DPYS: variants seen among roughly 807,000 people sequenced by gnomAD.
DPYS encodes dihydropyrimidine amidohydrolase.
DPYS carries 39 observed loss-of-function variants against 50.3 expected under a neutral mutation model. The ratio of observed to expected loss-of-function variants is 0.78; its 90% CI spans 0.60 to 1.01. The LOEUF (loss-of-function observed/expected upper bound fraction) is 1.01, where lower values mean the gene tolerates loss of function less well. Ranked by LOEUF, DPYS falls within the 50% of genes least tolerant of loss-of-function variation. The pLI, the probability that DPYS is intolerant of heterozygous loss-of-function variation, is 0.00. For synonymous variants in DPYS, 245 were observed against 250.7 expected (o/e 0.98, Z 0.22); for missense variants, 659 against 680.9 (o/e 0.97, Z 0.36).
At chr8:104,414,251 G>A (rs1812291907) in intron 7 of DPYS, among the ~76,000 whole-genome samples, 1 of 152,120 alleles carries the variant, frequency 6.6e-6, no homozygotes, top group Non-Finnish European at 1.5e-5. Context: ...TCCATTTGGG[G>A]GCGCTAATTG....
intron 4 of DPYS, among the ~76,000 whole-genome samples, chr8:104,432,457 G>A (rs1447214353): frequency 6.6e-6 from 1 of 152,164 alleles, no homozygotes; most frequent in Non-Finnish European, 1.5e-5. Context: ...GTTGAAAGAT[G>A]CACAGAAAAA....
chr8:104,381,130 G>A lies in DPYS; in HGVS notation c.*14+54C>T, dbSNP rs572805150. The A allele has an allele frequency of 4.9e-6, 7 of 1,433,744 alleles. No homozygotes were observed. In the South Asian group the frequency reaches 8.0e-5, roughly 16 times the overall value. 88.8% of individuals were successfully genotyped at this position (1,433,744 alleles called of 1,614,324 possible). Reference sequence around the variant, plus strand: ...CTCTTCAACCCTTATGAGGAGAGATGCTAATTTCATATGCTGTCATGCAGG... The same window carrying A: ...CTCTTCAACCCTTATGAGGAGAGATACTAATTTCATATGCTGTCATGCAGG... On this transcript the variant is annotated intron_variant, in intron 9 of 9. Transcript: ENST00000351513.
chr8:104,393,787 T>C (rs1811484987), intron 7 of DPYS, among the ~76,000 whole-genome samples: 1 of 152,196 alleles, frequency 6.6e-6, no homozygotes, highest in Non-Finnish European at 1.5e-5. Context: ...ATGAGCATAA[T>C]CTGAGTCCTT....
At chr8:104,389,543 T>G (rs1056883373) in intron 8 of DPYS, among the ~76,000 whole-genome samples, 1 of 148,984 alleles carries the variant, frequency 6.7e-6, no homozygotes, top group Non-Finnish European at 1.5e-5. Flanking sequence ...CCTTTTATTT[T>G]TTTTTTTTTG....
chr8:104,416,119 C>A (rs113027878), intron 7 of DPYS, among the ~76,000 whole-genome samples: 29 of 152,286 alleles, frequency 1.9e-4, no homozygotes, highest in African/African-American at 6.3e-4. Context: ...AGGTCACACC[C>A]AGCTCATAAG....
intron 7 of DPYS, among the ~76,000 whole-genome samples, chr8:104,397,244 C>T (rs1811624037): frequency 2.6e-5 from 4 of 152,184 alleles, no homozygotes; most frequent in Admixed American, 6.5e-5. Flanking sequence ...GAACATTTTC[C>T]TCCGTCGTTT....
intron 1 of DPYS, among the ~76,000 whole-genome samples, chr8:104,461,974 A>T (rs1009102557): frequency 2.0e-5 from 3 of 152,220 alleles, no homozygotes; most frequent in African/African-American, 7.2e-5. Context: ...CTAGAAGGAT[A>T]GGGAGCCAAA....
chr8:104,396,896 G>A (rs1304278415), intron 7 of DPYS, among the ~76,000 whole-genome samples: 1 of 150,678 alleles, frequency 6.6e-6, no homozygotes, highest in Non-Finnish European at 1.5e-5. Flanking sequence ...AGGACAATTA[G>A]ACAACATCTA....
intron 4 of DPYS, among the ~76,000 whole-genome samples, chr8:104,434,642 A>C (rs1324702601): frequency 6.6e-6 from 1 of 152,242 alleles, no homozygotes; most frequent in Non-Finnish European, 1.5e-5. Flanking sequence ...ATACAAACAC[A>C]TTAAACAACC....
intron 4 of DPYS, among the ~76,000 whole-genome samples, chr8:104,434,472 G>A (rs1352674647): frequency 2.0e-5 from 3 of 152,194 alleles, no homozygotes; most frequent in Non-Finnish European, 4.4e-5. Flanking sequence ...CTGACTGAGA[G>A]GAGGGGTCCA....
intron 7 of DPYS, among the ~76,000 whole-genome samples, chr8:104,395,725 G>GT (rs1398161106): frequency 1.3e-5 from 2 of 152,094 alleles, no homozygotes; most frequent in African/African-American, 4.8e-5. Context: ...TTTCTAAATA[G>GT]TTTTTTGATG....
intron 7 of DPYS, among the ~76,000 whole-genome samples, chr8:104,394,345 A>T (rs1358773624): frequency 6.6e-6 from 1 of 152,176 alleles, no homozygotes; most frequent in East Asian, 1.9e-4. Context: ...CAACATGCTC[A>T]GACAGAATTC....
chr8:104,413,619 C>G (rs1414747612), intron 7 of DPYS, among the ~76,000 whole-genome samples: 1 of 152,128 alleles, frequency 6.6e-6, no homozygotes, highest in South Asian at 2.1e-4. Flanking sequence ...GTCATTTTAA[C>G]ATAAACATCA....
At chr8:104,441,639 G>A (rs899023720) in intron 4 of DPYS, among the ~76,000 whole-genome samples, 2 of 152,134 alleles carry the variant, frequency 1.3e-5, no homozygotes, top group East Asian at 1.9e-4. Context: ...GGCCTGGCAA[G>A]GGCTTCCTAG....
At chr8:104,436,385 G>A (rs1213927393) in intron 4 of DPYS, among the ~76,000 whole-genome samples, 4 of 152,134 alleles carry the variant, frequency 2.6e-5, no homozygotes, top group South Asian at 4.1e-4. Context: ...AGAGGTGGGC[G>A]GATCACCTGA....
intron 7 of DPYS, 92 bp from the exon 8 acceptor site, chr8:104,393,083 A>C: frequency 8.5e-7 from 1 of 1,174,418 alleles, no homozygotes; most frequent in Middle Eastern, 2.2e-4. Context: ...TTAGAAGAAA[A>C]CTTAGCAACT....
At chr8:104,401,994 A>G (rs1285025183) in intron 7 of DPYS, among the ~76,000 whole-genome samples, 1 of 152,262 alleles carries the variant, frequency 6.6e-6, no homozygotes, top group Non-Finnish European at 1.5e-5. Context: ...ACCGGTGCTC[A>G]GTAGATGACA....
At chr8:104,451,186 C>T (rs187641345) in intron 2 of DPYS, 60 bp downstream of exon 2, 1 of 1,609,214 alleles carries the variant, frequency 6.2e-7, no homozygotes, top group African/African-American at 1.3e-5. Context: ...CAGTTTCTTG[C>T]TCTTGTGCAG....
intron 7 of DPYS, among the ~76,000 whole-genome samples, chr8:104,408,635 A>C (rs1470621728): frequency 6.6e-6 from 1 of 152,184 alleles, no homozygotes; most frequent in Non-Finnish European, 1.5e-5. Flanking sequence ...GTTTTCAAAT[A>C]GCAAAAAATT....
Sources: gnomAD v4.1 joint callset for allele counts (sites outside exome capture counted in the v4.1 genomes callset) on GRCh38, gnomAD v4.1.1 for gene constraint, MANE v1.5 for transcripts, NCBI Gene and HGNC (gene_info 2026-07-23, HGNC 2026-07-21) for gene names.